SNX24: variants seen among roughly 807,000 people sequenced by gnomAD.
SNX24 encodes the protein sorting nexin 24, also known as sorting nexin-24.
In SNX24, 22 loss-of-function variants were observed where a neutral mutation model predicts 28.7. That is an observed-to-expected ratio of 0.77 (90% CI 0.55 to 1.10). The LOEUF (loss-of-function observed/expected upper bound fraction) is 1.10. SNX24 is among the 50% of genes least tolerant of loss of function. The probability of loss-of-function intolerance (pLI) is 0.00; values close to 1 mark genes in which losing one functional copy is unlikely to be tolerated. For missense variants in SNX24, 221 were observed against 201.1 expected, an observed-to-expected ratio of 1.10 and a Z score of -0.60; for synonymous variants, 69 against 71.5, an observed-to-expected ratio of 0.96 and a Z score of 0.18.
intron 1 of SNX24, among the ~76,000 whole-genome samples, chr5:122,856,211 G>A (rs1755183407): frequency 6.6e-6 from 1 of 152,088 alleles, no homozygotes; most frequent in Admixed American, 6.6e-5. Context: ...ACTTACAAGT[G>A]AGAATGTACA....
At chr5:122,961,006 G>A (rs1326803379) in intron 3 of SNX24, among the ~76,000 whole-genome samples, 5 of 152,076 alleles carry the variant, frequency 3.3e-5, no homozygotes, top group African/African-American at 1.2e-4. Context: ...AAATTCTTAT[G>A]CAAAATATGT....
At chr5:122,944,888 C>T (rs559465806) in intron 2 of SNX24, among the ~76,000 whole-genome samples, 12 of 152,030 alleles carry the variant, frequency 7.9e-5, no homozygotes, top group South Asian at 6.3e-4. Flanking sequence ...AAAGGAGTAA[C>T]GTTGGTAGGT....
At chr5:122,852,210 A>T (rs1754955594) in intron 1 of SNX24, among the ~76,000 whole-genome samples, 2 of 151,764 alleles carry the variant, frequency 1.3e-5, no homozygotes, top group South Asian at 4.2e-4. Flanking sequence ...ACATGTGCAG[A>T]AAGTGCAGCT....
At chr5:122,952,356 A>T (rs1429921600) in intron 3 of SNX24, among the ~76,000 whole-genome samples, 2 of 152,200 alleles carry the variant, frequency 1.3e-5, no homozygotes, top group African/African-American at 4.8e-5. Flanking sequence ...CAACAATACA[A>T]CAACAAAAAA....
chr5:122,892,173 C>T (rs1757000915), intron 1 of SNX24, among the ~76,000 whole-genome samples: 1 of 152,154 alleles, frequency 6.6e-6, no homozygotes, highest in Non-Finnish European at 1.5e-5. Flanking sequence ...TTCTTTTTCT[C>T]TCCCTTAGTC....
chr5:122,980,023 G>A (rs544676114), intron 3 of SNX24, among the ~76,000 whole-genome samples: 46 of 152,282 alleles, frequency 3.0e-4, no homozygotes, highest in Middle Eastern at 3.4e-3. Flanking sequence ...CTAACCTACC[G>A]ATTGTGGGTT....
intron 3 of SNX24, among the ~76,000 whole-genome samples, chr5:122,964,243 A>G (rs1198949708): frequency 8.1e-6 from 1 of 122,706 alleles, no homozygotes; most frequent in Admixed American, 9.0e-5. Context: ...ACAAGACTCC[A>G]TCTCAAAAAA....
chr5:122,964,128 A>G (rs946175054), intron 3 of SNX24, among the ~76,000 whole-genome samples: 1 of 151,486 alleles, frequency 6.6e-6, no homozygotes, highest in African/African-American at 2.4e-5. Context: ...CTGTAATCCC[A>G]GCTACTTGGG....
At chr5:123,019,289 G>GA (rs76674069) in intron 5 of SNX24, among the ~76,000 whole-genome samples, 4,255 of 128,156 alleles carry the variant, frequency 0.033, 95 homozygotes, top group Middle Eastern at 0.086. Context: ...TCTTTAATTT[G>GA]AAAAAAAAAA....
At chr5:122,950,039 A>G (rs575139742) in intron 3 of SNX24, among the ~76,000 whole-genome samples, 1 of 152,266 alleles carries the variant, frequency 6.6e-6, no homozygotes, top group Non-Finnish European at 1.5e-5. Flanking sequence ...CTTTCCCCTT[A>G]AATAATATAC....
chr5:122,961,032 T>A (rs1043899297), intron 3 of SNX24, among the ~76,000 whole-genome samples: 24 of 152,234 alleles, frequency 1.6e-4, no homozygotes, highest in Non-Finnish European at 2.2e-4. Context: ...TTTCTTTTTT[T>A]CCACCTTCCA....
intron 1 of SNX24, among the ~76,000 whole-genome samples, chr5:122,900,945 A>G (rs896336642): frequency 2.0e-5 from 3 of 152,160 alleles, no homozygotes; most frequent in African/African-American, 7.2e-5. Flanking sequence ...TCGTGCCTGT[A>G]ATCCCAGCAC....
At chr5:122,859,835 A>G (rs1380463150) in intron 1 of SNX24, among the ~76,000 whole-genome samples, 1 of 152,186 alleles carries the variant, frequency 6.6e-6, no homozygotes, top group East Asian at 1.9e-4. Context: ...AGGTGAAACA[A>G]CTCAAAGCCA....
intron 5 of SNX24, chr5:123,022,356 G>A (rs1486154177): frequency 6.6e-6 from 1 of 152,164 alleles, no homozygotes; most frequent in East Asian, 1.9e-4. Flanking sequence ...TGGAGGAGAA[G>A]CAATGGCACT....
At chr5:122,987,760 G>A (rs965122340) in intron 3 of SNX24, among the ~76,000 whole-genome samples, 14 of 152,064 alleles carry the variant, frequency 9.2e-5, no homozygotes, top group South Asian at 4.2e-4. Flanking sequence ...CAATAGTAGC[G>A]GGGCAACACC....
At chr5:122,960,842 G>C (rs1760460157) in intron 3 of SNX24, among the ~76,000 whole-genome samples, 1 of 151,882 alleles carries the variant, frequency 6.6e-6, no homozygotes, top group Admixed American at 6.6e-5. Context: ...GACTCAAAAG[G>C]CTGCTAGGAT....
chr5:122,862,764 A>G (rs1422883900), intron 1 of SNX24, among the ~76,000 whole-genome samples: 3 of 151,960 alleles, frequency 2.0e-5, no homozygotes, highest in Non-Finnish European at 4.4e-5. Flanking sequence ...GTGAGAGGAG[A>G]CAGGTTCTCT....
chr5:122,916,392 T>TG (rs1189233173), intron 1 of SNX24, among the ~76,000 whole-genome samples: 1 of 152,226 alleles, frequency 6.6e-6, no homozygotes, highest in Non-Finnish European at 1.5e-5. Context: ...AGGTTTATCC[T>TG]GGGGGGCCTG....
chr5:123,025,927 T>G, intron 5 of SNX24: 1 of 1,609,992 alleles, frequency 6.2e-7, no homozygotes, highest in Non-Finnish European at 8.5e-7. Context: ...TGCTTCAGCT[T>G]GAAGTTCTCA....
Sources: allele counts gnomAD v4.1 joint callset (sites outside exome capture counted in the v4.1 genomes callset), GRCh38; gene constraint gnomAD v4.1.1; transcripts MANE v1.5; gene names NCBI Gene and HGNC (gene_info 2026-07-23, HGNC 2026-07-21).